Variants in PPP3CC observed in about 807,000 individuals in gnomAD.
PPP3CC encodes protein phosphatase 3 catalytic subunit gamma, also known as serine/threonine-protein phosphatase 2B catalytic subunit gamma isoform.
Under a neutral mutation model 60.3 loss-of-function variants are expected in PPP3CC, and 35 were observed. That is an observed-to-expected ratio of 0.58 (90% CI 0.44 to 0.77). The LOEUF (loss-of-function observed/expected upper bound fraction) is 0.77. Among genes scored for constraint, PPP3CC ranks in the 30% least tolerant of loss-of-function variants. PPP3CC has a pLI of 0.00. For synonymous variants in PPP3CC, 206 were observed against 224.3 expected, an observed-to-expected ratio of 0.92 and a Z score of 0.73; for missense variants, 570 against 628.9, an observed-to-expected ratio of 0.91 and a Z score of 1.00.
chr8:22,457,602 C>G (rs1837242246), intron 1 of PPP3CC, among the ~76,000 whole-genome samples: 1 of 152,184 alleles, frequency 6.6e-6, no homozygotes, highest in African/African-American at 2.4e-5. Flanking sequence ...GCCACTGCAC[C>G]CAGCCCAAGT....
chr8:22,448,593 G>T (rs1836910247), intron 1 of PPP3CC, among the ~76,000 whole-genome samples: 1 of 151,908 alleles, frequency 6.6e-6, no homozygotes, highest in Non-Finnish European at 1.5e-5. Flanking sequence ...TGGTCAGGCT[G>T]GTCTCGAGCT....
intron 3 of PPP3CC, among the ~76,000 whole-genome samples, chr8:22,493,511 T>C (rs1352799282): frequency 6.6e-6 from 1 of 152,204 alleles, no homozygotes; most frequent in East Asian, 1.9e-4. Flanking sequence ...TTTCCTTATA[T>C]TCTTATTCTA....
Position 22,441,372 on chromosome 8 carries a change from C to T in PPP3CC, c.-38C>T, listed in dbSNP as rs1836662312. On this transcript the variant is annotated 5_prime_UTR_variant, in exon 1 of 14. Coordinates refer to ENST00000240139, the MANE Select transcript of PPP3CC (RefSeq NM_005605.5). ...GGCGGCCGCGGCGTAGGCGCACGTC[C>T]GGCGGGCTCCTGGAGCCTGGAGGAG... 1 of 1,516,354 alleles carries T rather than the reference C, an allele frequency of 6.6e-7. No individual in the cohort carries two copies. The allele number at this position is 1,516,354 out of a possible 1,614,324, so 93.9% of individuals were successfully genotyped here. A position where few individuals can be genotyped will look rare whatever the true frequency, so the allele number is the denominator to read the frequency against.
At chr8:22,444,284 T>G (rs1836761337) in intron 1 of PPP3CC, among the ~76,000 whole-genome samples, 1 of 151,484 alleles carries the variant, frequency 6.6e-6, no homozygotes, top group Non-Finnish European at 1.5e-5. Flanking sequence ...AAAACTCATC[T>G]GTAAAATAGG....
chr8:22,477,964 C>T (rs1480020329), intron 3 of PPP3CC, among the ~76,000 whole-genome samples: 1 of 152,204 alleles, frequency 6.6e-6, no homozygotes, highest in East Asian at 1.9e-4. Flanking sequence ...GATTCTTCTG[C>T]CTCAGCCTCC....
At chr8:22,483,931 C>G (rs993683976) in intron 3 of PPP3CC, among the ~76,000 whole-genome samples, 2 of 152,116 alleles carry the variant, frequency 1.3e-5, no homozygotes, top group African/African-American at 4.8e-5. Context: ...ACCCTGAACT[C>G]CTGGGCTCAA....
chr8:22,539,900 G>A (rs1839922270), intron 13 of PPP3CC, among the ~76,000 whole-genome samples: 1 of 152,176 alleles, frequency 6.6e-6, no homozygotes, highest in Admixed American at 6.5e-5. Flanking sequence ...GAAGTAGACT[G>A]GAATTTAGTT....
intron 4 of PPP3CC, among the ~76,000 whole-genome samples, chr8:22,499,460 A>G (rs538971572): frequency 6.6e-6 from 1 of 152,116 alleles, no homozygotes; most frequent in African/African-American, 2.4e-5. Context: ...AAAAAAAGAA[A>G]AAAAAAAGAA....
At chr8:22,442,156 G>A (rs961962282) in intron 1 of PPP3CC, among the ~76,000 whole-genome samples, 2 of 152,186 alleles carry the variant, frequency 1.3e-5, no homozygotes, top group Non-Finnish European at 2.9e-5. Flanking sequence ...TAGAGTTTTA[G>A]GTTATAGTTG....
intron 2 of PPP3CC, 121 bp downstream of exon 2, chr8:22,475,272 A>C (rs1837852199): frequency 9.6e-7 from 1 of 1,041,572 alleles, no homozygotes; most frequent in Non-Finnish European, 1.4e-6. Context: ...ATTATGAGAC[A>C]GTCAGGATTG....
Position 22,513,227 on chromosome 8 carries a change from A to C in PPP3CC, c.631-66A>C, listed in dbSNP as rs190503875. The C allele has an allele frequency of 3.0e-4, 453 of 1,512,238 alleles. 4 individuals are homozygous for C. Among genetic ancestry groups the C allele is most frequent in the Non-Finnish European group, 2.5e-5 (28 of 1,118,566 alleles). The allele number at this position is 1,512,238 out of a possible 1,614,324, so 93.7% of individuals were successfully genotyped here. A position where few individuals can be genotyped will look rare whatever the true frequency, so the allele number is the denominator to read the frequency against. On this transcript the variant is annotated intron_variant, in intron 5 of 13. Transcript: ENST00000240139. Reference sequence around the variant, plus strand: ...GGTGAAAGGGGTTTTTCTTTGACACATACTAGTTTCCAAGAAGCCTTTTGC... The same window carrying C: ...GGTGAAAGGGGTTTTTCTTTGACACCTACTAGTTTCCAAGAAGCCTTTTGC...
At chr8:22,466,186 A>G (rs941466806) in intron 1 of PPP3CC, among the ~76,000 whole-genome samples, 1 of 152,150 alleles carries the variant, frequency 6.6e-6, no homozygotes, top group African/African-American at 2.4e-5. Context: ...TTATGGCTGC[A>G]TAGTATTCCA....
intron 6 of PPP3CC, among the ~76,000 whole-genome samples, chr8:22,519,967 T>C (rs1400360899): frequency 6.6e-6 from 1 of 152,222 alleles, no homozygotes; most frequent in Non-Finnish European, 1.5e-5. Context: ...CATCTTTTAG[T>C]TTCTACTTGA....
chr8:22,532,298 A>G lies in PPP3CC; in HGVS notation c.1215A>G (p.Ser405=). Residue 405 remains serine (S), a synonymous_variant, in exon 11 of 14, where the codon TCA becomes TCG. Coordinates refer to ENST00000240139, the MANE Select transcript of PPP3CC (RefSeq NM_005605.5). ...RAIGKMARVF[S]ILRQESESVL... ...TTGGGAAGATGGCACGGGTCTTTTC[A>G]ATTCTTCGGTAAGGATGTCTGTCAT... 10 of 1,610,336 alleles carry G rather than the reference A, an allele frequency of 6.2e-6. No individual in the cohort carries two copies. The highest frequency in any genetic ancestry group is 8.5e-6 in the Non-Finnish European group (10 of 1,176,594).
intron 1 of PPP3CC, among the ~76,000 whole-genome samples, chr8:22,468,752 G>C (rs7831756): frequency 0.058 from 8,785 of 152,156 alleles, 847 homozygotes; most frequent in African/African-American, 0.2. Flanking sequence ...CATTGGTGAC[G>C]GGCCATTTTT....
intron 1 of PPP3CC, among the ~76,000 whole-genome samples, chr8:22,448,710 A>G (rs1446191026): frequency 6.6e-6 from 1 of 152,100 alleles, no homozygotes; most frequent in Non-Finnish European, 1.5e-5. Context: ...GAATGTGACT[A>G]TATGGTATTA....
intron 3 of PPP3CC, among the ~76,000 whole-genome samples, chr8:22,489,638 CATATA>C (rs1388582630): frequency 1.4e-5 from 1 of 71,748 alleles, no homozygotes; most frequent in Admixed American, 1.5e-4. Flanking sequence ...GTATATATTA[CATATA>C]ATATACAATA....
chr8:22,461,629 C>A (rs116968878), intron 1 of PPP3CC, among the ~76,000 whole-genome samples: 6,575 of 152,150 alleles, frequency 0.043, 199 homozygotes, highest in South Asian at 0.11. Flanking sequence ...ACCAAGAAAA[C>A]ATCTGTAGTC....
intron 3 of PPP3CC, among the ~76,000 whole-genome samples, chr8:22,489,985 C>T (rs763172192): frequency 1.3e-5 from 2 of 151,012 alleles, no homozygotes; most frequent in Non-Finnish European, 2.9e-5. Flanking sequence ...CCACGCCCAG[C>T]AATTTTTTTT....
Sources: gnomAD v4.1 joint callset for allele counts (sites outside exome capture counted in the v4.1 genomes callset) on GRCh38, gnomAD v4.1.1 for gene constraint, MANE v1.5 for transcripts, NCBI Gene and HGNC (gene_info 2026-07-23, HGNC 2026-07-21) for gene names.